Variants in MUC13 observed in about 807,000 individuals in gnomAD.
MUC13 encodes mucin 13, cell surface associated, also known as mucin-13.
In MUC13, 32 loss-of-function variants were observed where a neutral mutation model predicts 48.3. The observed-to-expected ratio is 0.66, with a 90% CI of 0.50 to 0.89. MUC13 has a LOEUF of 0.89. Among genes scored for constraint, MUC13 ranks in the 40% least tolerant of loss-of-function variants. The pLI is 0.00. For synonymous variants in MUC13, 199 were observed against 224.9 expected (o/e 0.88, Z 1.03); for missense variants, 571 against 622.8 (o/e 0.92, Z 0.88).
chr3:124,922,907 C>T (rs904314231), intron 3 of MUC13, among the ~76,000 whole-genome samples: 1 of 152,048 alleles, frequency 6.6e-6, no homozygotes, highest in Admixed American at 6.6e-5. Context: ...TGAACATCTT[C>T]ACACACAAAC....
chr3:124,913,042 TGTTGTAA>T, intron 8 of MUC13, 62 bp downstream of exon 8: 4 of 1,565,958 alleles, frequency 2.6e-6, no homozygotes, highest in Non-Finnish European at 3.5e-6. Flanking sequence ...CCTATATACG[TGTTGTAA>T]GGTCTCTCTA....
chr3:124,910,005 A>G (rs2107667254), intron 10 of MUC13, among the ~76,000 whole-genome samples: 1 of 152,354 alleles, frequency 6.6e-6, no homozygotes, highest in South Asian at 2.1e-4. Context: ...TAGTTGCCTC[A>G]GCATGGTGGG....
rs965035854 is a variant in MUC13 at position 124,910,625 on chromosome 3, C to T, written c.1253-126G>A. ...GATCAGGTTCTGGTCTCCAACCCTC[C>T]AGGCCAGGTTGGGTAGTTGGCCTAT... On this transcript the variant is annotated intron_variant, in intron 9 of 11. Coordinates refer to ENST00000616727, the MANE Select transcript of MUC13 (RefSeq NM_033049.4). The T allele has an allele frequency of 4.2e-6, 6 of 1,443,764 alleles. No individual in the cohort carries two copies. In the African/African-American group the frequency reaches 8.6e-5, roughly 21 times the overall value. The allele number at this position is 1,443,764 out of a possible 1,614,324, so 89.4% of individuals were successfully genotyped here. A position where few individuals can be genotyped will look rare whatever the true frequency, so the allele number is the denominator to read the frequency against.
At chr3:124,925,200 T>C (rs779270611) in intron 2 of MUC13, among the ~76,000 whole-genome samples, 5 of 152,178 alleles carry the variant, frequency 3.3e-5, no homozygotes, top group Non-Finnish European at 7.3e-5. Context: ...CATGCTACTA[T>C]GTAAAAGAAG....
chr3:124,920,398 A>T (rs1935574549), intron 4 of MUC13, 109 bp from the exon 5 acceptor site: 5 of 848,850 alleles, frequency 5.9e-6, no homozygotes, highest in Non-Finnish European at 9.3e-6. Flanking sequence ...TTTTAACAGG[A>T]TCCAACTGGG....
chr3:124,924,214 C>T (rs1246153920), intron 2 of MUC13, among the ~76,000 whole-genome samples: 2 of 152,156 alleles, frequency 1.3e-5, no homozygotes, highest in African/African-American at 4.8e-5. Flanking sequence ...TCTAAGAGGC[C>T]ATGAGAAGAC....
chr3:124,910,457 A>G lies in MUC13; in HGVS notation c.1295T>C (p.Ile432Thr), dbSNP rs922655752. The G allele has an allele frequency of 2.5e-6, 4 of 1,614,152 alleles. No homozygotes were observed. The highest frequency in any genetic ancestry group is 2.2e-5 in the East Asian group (1 of 44,886). The stretch of plus-strand genomic sequence containing the variant: ...TGCAATTATCATGCTGAGAATGACA[A>G]TGCCAGCGATGGTGCCCACAATAGT... ...ILTIVGTIAG[I>T]VILSMIIALI... is the part of the protein sequence containing the mutation. The change falls in exon 10 of 12, where the codon ATT (isoleucine) becomes ACT (threonine). Residue 432 changes from isoleucine (I) to threonine (T), a missense_variant. By Grantham distance (89) the Ile-to-Thr change is moderately conservative. Coordinates refer to ENST00000616727, the MANE Select transcript of MUC13 (RefSeq NM_033049.4).
chr3:124,922,861 CT>C (rs1935626258), intron 3 of MUC13, among the ~76,000 whole-genome samples: 2 of 151,880 alleles, frequency 1.3e-5, no homozygotes, highest in African/African-American at 4.8e-5. Context: ...GGACTTAGTG[CT>C]TTTAATTATT....
At chr3:124,908,506 C>T (rs1327538602) in intron 10 of MUC13, among the ~76,000 whole-genome samples, 158 bp from the exon 11 acceptor site, 1 of 152,174 alleles carries the variant, frequency 6.6e-6, no homozygotes, top group African/African-American at 2.4e-5. Context: ...ACACACTTAT[C>T]ACCCAGATTC....
intron 1 of MUC13, among the ~76,000 whole-genome samples, chr3:124,932,144 G>A (rs1213208078): frequency 4.6e-5 from 7 of 152,190 alleles, no homozygotes; most frequent in African/African-American, 1.7e-4. Context: ...GTAGATGGGT[G>A]GGAAGTCAGA....
chr3:124,905,531 G>C lies in MUC13; in HGVS notation c.*1212C>G, dbSNP rs954000153. ...ATAACAAATAAAATAACTTTTAAGA[G>C]GACAAGGCATTAGAAATAAAAAAGG... is the stretch of plus-strand genomic sequence containing the variant. On this transcript the variant is annotated 3_prime_UTR_variant, in exon 12 of 12. Transcript: ENST00000616727. 6.5e-6 allele frequency: 1 copy of C among 152,692 alleles called. No individual in the cohort carries two copies. The highest frequency in any genetic ancestry group is 2.4e-5 in the African/African-American group (1 of 41,408). The allele number at this position is 152,692 out of a possible 1,614,324, so 9.5% of individuals were successfully genotyped here.
At chr3:124,912,238 T>G in intron 8 of MUC13, 97 bp from the exon 9 acceptor site, 3 of 1,528,064 alleles carry the variant, frequency 2.0e-6, no homozygotes, top group Non-Finnish European at 2.7e-6. Context: ...CTTTCCATCT[T>G]CCTTTTATTC....
intron 5 of MUC13, among the ~76,000 whole-genome samples, chr3:124,919,410 G>C (rs1461365214): frequency 7.5e-6 from 1 of 133,828 alleles, no homozygotes; most frequent in African/African-American, 2.8e-5. Flanking sequence ...GGCTGGTCTT[G>C]AACTCCTGGC....
intron 10 of MUC13, among the ~76,000 whole-genome samples, 195 bp downstream of exon 10, chr3:124,910,220 G>T (rs1373983582): frequency 1.3e-5 from 2 of 152,082 alleles, no homozygotes; most frequent in Non-Finnish European, 2.9e-5. Context: ...GTGTCATGCT[G>T]GTGGTCCTGT....
At chr3:124,910,603 C>A in intron 9 of MUC13, 104 bp from the exon 10 acceptor site, 1 of 1,514,072 alleles carries the variant, frequency 6.6e-7, no homozygotes, top group Non-Finnish European at 8.9e-7. Flanking sequence ...TGAAGACGAT[C>A]AGGTTCTGGT....
intron 3 of MUC13, among the ~76,000 whole-genome samples, chr3:124,922,552 C>A (rs114718224): frequency 0.041 from 5,420 of 132,060 alleles, 155 homozygotes; most frequent in South Asian, 0.074. Flanking sequence ...TTTTTTTCTT[C>A]TTATTATATA....
chr3:124,916,239 T>C (rs2107669390), intron 6 of MUC13, 78 bp downstream of exon 6: 1 of 1,110,892 alleles, frequency 9.0e-7, no homozygotes, highest in East Asian at 2.4e-5. Context: ...TGTCTCCTTT[T>C]CACATATAAT....
At chr3:124,920,169 T>C in intron 5 of MUC13, 65 bp downstream of exon 5, 1 of 1,409,150 alleles carries the variant, frequency 7.1e-7, no homozygotes, top group South Asian at 1.2e-5. Context: ...CATGCAGACC[T>C]CAAGAGAAGC....
rs767684951 is a variant in MUC13 at position 124,922,312 on chromosome 3, T to C, written c.638-9A>G. 1.1e-5 allele frequency: 18 copies of C among 1,613,186 alleles called. No homozygotes were observed. Among genetic ancestry groups the C allele is most frequent in the Non-Finnish European group, 1.4e-5 (16 of 1,179,738 alleles). On this transcript the variant is annotated splice_polypyrimidine_tract_variant and intron_variant, in intron 3 of 11. Transcript: ENST00000616727. Reference sequence around the variant, plus strand: ...CCCAGGGAATACCTTTCCTGAAAGTTAAGCAGAATCTTTCTGTACTATTTG... The same window carrying C: ...CCCAGGGAATACCTTTCCTGAAAGTCAAGCAGAATCTTTCTGTACTATTTG...
Sources: gnomAD v4.1 joint callset for allele counts (sites outside exome capture counted in the v4.1 genomes callset) on GRCh38, gnomAD v4.1.1 for gene constraint, MANE v1.5 for transcripts, NCBI Gene and HGNC (gene_info 2026-07-23, HGNC 2026-07-21) for gene names.